The following CLMN variants were observed in gnomAD, a reference collection of about 807,000 sequenced individuals.
The protein encoded by CLMN is calmin (calponin-like, transmembrane).
CLMN carries 57 observed loss-of-function variants against 92.7 expected under a neutral mutation model. That is an observed-to-expected ratio of 0.61 (90% CI 0.50 to 0.77). The LOEUF is 0.77. Among genes scored for constraint, CLMN ranks in the 30% least tolerant of loss-of-function variants. The probability of loss-of-function intolerance (pLI) is 0.00; values close to 1 mark genes in which losing one functional copy is unlikely to be tolerated. For synonymous variants in CLMN, 466 were observed against 470.6 expected (o/e 0.99, Z 0.13); for missense variants, 1,158 against 1,237.5 (o/e 0.94, Z 0.96).
chr14:95,312,738 T>C (rs1188492001), intron 1 of CLMN, among the ~76,000 whole-genome samples: 1 of 152,122 alleles, frequency 6.6e-6, no homozygotes, highest in Non-Finnish European at 1.5e-5. Flanking sequence ...GGGATAACAA[T>C]GACCAGGCAA....
chr14:95,215,822 T>G, intron 4 of CLMN, 89 bp from the exon 5 acceptor site: 4 of 71,086 alleles, frequency 5.6e-5, no homozygotes, highest in South Asian at 4.6e-4. Flanking sequence ...TCTCTGTGTG[T>G]GTGTGTGTGT....
intron 1 of CLMN, among the ~76,000 whole-genome samples, chr14:95,300,768 C>T (rs948770302): frequency 1.3e-5 from 2 of 152,232 alleles, no homozygotes; most frequent in Admixed American, 6.5e-5. Flanking sequence ...TCTGCCATCA[C>T]AGCCATCATT....
intron 1 of CLMN, among the ~76,000 whole-genome samples, chr14:95,253,274 G>A (rs1440510187): frequency 6.6e-6 from 1 of 152,202 alleles, no homozygotes; most frequent in East Asian, 1.9e-4. Context: ...TTATACATCT[G>A]TAAAATGGGA....
At chr14:95,225,649 T>C (rs1186089046) in intron 2 of CLMN, among the ~76,000 whole-genome samples, 2 of 152,202 alleles carry the variant, frequency 1.3e-5, no homozygotes, top group Non-Finnish European at 2.9e-5. Context: ...TGAAACACCT[T>C]CTCTCTGCCC....
intron 1 of CLMN, among the ~76,000 whole-genome samples, chr14:95,263,158 G>T (rs940612757): frequency 4.6e-5 from 7 of 152,328 alleles, no homozygotes; most frequent in South Asian, 2.1e-4. Flanking sequence ...AGTTCAGTAT[G>T]GCGGAGGAGG....
intron 9 of CLMN, among the ~76,000 whole-genome samples, chr14:95,199,989 G>A (rs759855225): frequency 6.8e-6 from 1 of 147,890 alleles, no homozygotes; most frequent in South Asian, 2.2e-4. Context: ...GTCAGGAAGT[G>A]ATAAGGTGAG....
At chr14:95,210,626 A>C (rs1897169234) in intron 7 of CLMN, 60 bp downstream of exon 7, 1 of 1,534,062 alleles carries the variant, frequency 6.5e-7, no homozygotes, top group African/African-American at 1.4e-5. Flanking sequence ...TCCACATGGG[A>C]CAGCAAGTGG....
rs1896343861 is a variant in CLMN at position 95,182,204 on chromosome 14, C to T, written c.*9360G>A. ...TACAGCTATGTATATCCTAAATAGA[C>T]AAAAATAATCCTTGTACTACAAAAT... is the stretch of plus-strand genomic sequence containing the variant. On this transcript the variant is annotated 3_prime_UTR_variant, in exon 13 of 13. Transcript: ENST00000298912. The T allele has an allele frequency of 6.6e-6, 1 of 152,078 alleles. No homozygotes were observed. The highest frequency in any genetic ancestry group is 1.5e-5 in the Non-Finnish European group (1 of 68,002). The allele number at this position is 152,078 out of a possible 1,614,324, so 9.4% of individuals were successfully genotyped here.
At position 95,202,977 on chromosome 14, in the gene CLMN, G is replaced by C; in HGVS notation, c.2372C>G (p.Pro791Arg). ...ATACAGCACCTGGTCGCTGGCACTGGGGAGGCTCTCTCCTGGCACCGAGGA... is the reference window on the plus strand; with the variant it reads ...ATACAGCACCTGGTCGCTGGCACTGCGGAGGCTCTCTCCTGGCACCGAGGA... ...SSSSVPGESL[P>R]SASDQVLYLS... Residue 791 changes from proline to arginine, a missense_variant, in exon 9 of 13, where the codon CCC (proline) becomes CGC (arginine). Coordinates refer to ENST00000298912, the MANE Select transcript of CLMN (RefSeq NM_024734.4). The C allele has an allele frequency of 6.2e-7, 1 of 1,614,126 alleles. No individual in the cohort carries two copies. Among genetic ancestry groups the C allele is most frequent in the Non-Finnish European group, 8.5e-7 (1 of 1,180,016 alleles).
chr14:95,308,040 C>T (rs1162478863), intron 1 of CLMN, among the ~76,000 whole-genome samples: 1 of 152,232 alleles, frequency 6.6e-6, no homozygotes, highest in Non-Finnish European at 1.5e-5. Context: ...TAACACAACA[C>T]AGGGACAAGA....
At chr14:95,213,071 G>C (rs953826459) in intron 6 of CLMN, 148 bp downstream of exon 6, 27 of 819,312 alleles carry the variant, frequency 3.3e-5, no homozygotes, top group Middle Eastern at 7.0e-4. Flanking sequence ...ACAGGCATGA[G>C]CCACCGCGCC....
At chr14:95,215,598 C>T in intron 5 of CLMN, 43 bp downstream of exon 5, 6 of 1,554,284 alleles carry the variant, frequency 3.9e-6, no homozygotes, top group Non-Finnish European at 5.3e-6. Flanking sequence ...GCTCAGCAGA[C>T]ACAAGATCAT....
chr14:95,192,958 A>T (rs764764370), intron 12 of CLMN: 5 of 205,668 alleles, frequency 2.4e-5, no homozygotes, highest in Non-Finnish European at 3.9e-5. Flanking sequence ...CCTGGTGGAA[A>T]ACTTGAATTA....
chr14:95,290,745 G>A (rs1325035334), intron 1 of CLMN, among the ~76,000 whole-genome samples: 1 of 152,198 alleles, frequency 6.6e-6, no homozygotes, highest in Non-Finnish European at 1.5e-5. Flanking sequence ...GTGTAAGTTT[G>A]TTACAGCAGC....
At chr14:95,214,301 G>A (rs141820812) in intron 5 of CLMN, among the ~76,000 whole-genome samples, 60 of 150,140 alleles carry the variant, frequency 4.0e-4, no homozygotes, top group African/African-American at 1.4e-3. Flanking sequence ...ATAACAGGTA[G>A]CAGTAATTGA....
At chr14:95,238,379 T>C (rs1162519804) in intron 1 of CLMN, among the ~76,000 whole-genome samples, 4 of 152,250 alleles carry the variant, frequency 2.6e-5, no homozygotes, top group Non-Finnish European at 5.9e-5. Context: ...TCCGACTCTT[T>C]GGGGCCACTT....
Position 95,215,713 on chromosome 14 carries a change from A to G in CLMN, c.345T>C (p.Asp115=). The change falls in exon 5 of 13, where the codon GAT becomes GAC. Residue 115 remains aspartate, a synonymous_variant. Coordinates refer to ENST00000298912, the MANE Select transcript of CLMN (RefSeq NM_024734.4). ...GGTTGCCATCTGCTATTTCTGCTGC[A>G]TCAATGCTAACCAGTTTTACCTGGA... is the stretch of plus-strand genomic sequence containing the variant. ...EDSNVKLVSI[D]AAEIADGNPS... The G allele has an allele frequency of 6.2e-7, 1 of 1,614,196 alleles. No individual in the cohort carries two copies. The highest frequency in any genetic ancestry group is 8.5e-7 in the Non-Finnish European group (1 of 1,180,036).
intron 1 of CLMN, among the ~76,000 whole-genome samples, chr14:95,245,197 ATATATATATATTAT>A (rs1898439975): frequency 3.0e-5 from 1 of 33,314 alleles, no homozygotes; most frequent in Non-Finnish European, 4.9e-5. Flanking sequence ...TATATATAAT[ATATATATATATTAT>A]ATATATATAT....
In CLMN at chr14:95,217,072, C is replaced by T. The variant is rs545483953; in HGVS notation, c.325-1339G>A. The stretch of plus-strand genomic sequence containing the variant: ...AGGGCCAGAGAGTAAATATTTAAGG[C>T]TTTGCAGGCCACACTGGTGTCTGCC... On this transcript the variant is annotated intron_variant, in intron 4 of 12. Coordinates refer to ENST00000298912, the MANE Select transcript of CLMN (RefSeq NM_024734.4). Among the ~76,000 whole-genome samples, 3 of 152,308 alleles carry T rather than the reference C, an allele frequency of 2.0e-5. No homozygotes were observed. In the South Asian group the frequency reaches 6.2e-4, roughly 32 times the overall value.
Sources: allele counts gnomAD v4.1 joint callset (sites outside exome capture counted in the v4.1 genomes callset), GRCh38; gene constraint gnomAD v4.1.1; transcripts MANE v1.5; gene names NCBI Gene and HGNC (gene_info 2026-07-23, HGNC 2026-07-21).